The following IRX2 variants were observed in gnomAD, a reference collection of about 807,000 sequenced individuals.
IRX2 encodes the protein iroquois homeobox 2, also known as iroquois-class homeodomain protein IRX-2.
In IRX2, 26 loss-of-function variants were observed where a neutral mutation model predicts 42.9. The ratio of observed to expected loss-of-function variants is 0.61; its 90% CI spans 0.44 to 0.84. IRX2 has a LOEUF of 0.84. Among genes scored for constraint, IRX2 ranks in the 40% least tolerant of loss-of-function variants. The pLI, the probability that IRX2 is intolerant of heterozygous loss-of-function variation, is 0.00. For synonymous variants in IRX2, 424 were observed against 353.9 expected (o/e 1.20, Z -2.22); for missense variants, 782 against 713.9 (o/e 1.10, Z -1.09).
At chr5:2,747,841 A>G (rs1737731426) in intron 3 of IRX2, among the ~76,000 whole-genome samples, 1 of 152,252 alleles carries the variant, frequency 6.6e-6, no homozygotes, top group South Asian at 2.1e-4. Flanking sequence ...CACAGGCAAC[A>G]TAGCACAGGG....
In IRX2 at chr5:2,748,868, G is replaced by C. The variant is rs1253968536; in HGVS notation, c.840C>G (p.Pro280=). The C allele has an allele frequency of 2.5e-6, 4 of 1,592,946 alleles. No homozygotes were observed. The highest frequency in any genetic ancestry group is 2.5e-6 in the Non-Finnish European group (3 of 1,178,038). The change falls in exon 3 of 4, where the codon CCC becomes CCG. Residue 280 remains proline (P), a synonymous_variant. Transcript: ENST00000302057. ...DEEGERGLAP[P]KPVTSSPLTG... is the part of the protein sequence containing the mutation. Reference sequence around the variant, plus strand: ...TAAGCGGCGACGAGGTCACGGGCTTGGGCGGCGCCAGGCCCCGCTCGCCCT... The same window carrying C: ...TAAGCGGCGACGAGGTCACGGGCTTCGGCGGCGCCAGGCCCCGCTCGCCCT...
the IRX2 span, among the ~76,000 whole-genome samples, chr5:2,738,616 C>A: frequency 9.9e-5 from 15 of 152,210 alleles, no homozygotes; most frequent in Admixed American, 2.6e-4. Context: ...GTACAGTGAC[C>A]CCGAGTCCAA....
In IRX2 at chr5:2,751,563, C is replaced by T. The variant is rs916290942; in HGVS notation, c.-150G>A. On this transcript the variant is annotated 5_prime_UTR_variant, in exon 1 of 4. Transcript: ENST00000302057. This position sits in a 1 kb window ranked among gnomAD's most constrained non-coding sequence, Gnocchi z 4.0. The stretch of plus-strand genomic sequence containing the variant: ...CGGCCCGGGTACTAGCCTGGGCGGC[C>T]CGCGGGCCGGGGCGGCGGCGGGGTG... The T allele has an allele frequency of 1.6e-3, 524 of 331,544 alleles. 2 individuals are homozygous for T. The highest frequency in any genetic ancestry group is 0.011 in the African/African-American group (477 of 42,872). 20.5% of individuals were successfully genotyped at this position (331,544 alleles called of 1,614,324 possible).
the IRX2 span, chr5:2,737,243 T>C: frequency 2.0e-5 from 3 of 152,144 alleles, no homozygotes; most frequent in Non-Finnish European, 2.9e-5. Context: ...TACAGAAAAA[T>C]ACCTGCATTA....
downstream of IRX2, among the ~76,000 whole-genome samples, chr5:2,742,502 G>A (rs1334565992): frequency 6.6e-6 from 1 of 152,132 alleles, no homozygotes; most frequent in East Asian, 1.9e-4. Flanking sequence ...TATCCACATA[G>A]CACAGACGGT....
At position 2,748,872 on chromosome 5, in the gene IRX2, G is replaced by A. The variant is rs375451332; in HGVS notation, c.836C>T (p.Pro279Leu). ...CGGCGACGAGGTCACGGGCTTGGGC[G>A]GCGCCAGGCCCCGCTCGCCCTCCTC... ...DDEEGERGLA[P>L]PKPVTSSPLT... Residue 279 changes from proline (P) to leucine (L), a missense_variant, in exon 3 of 4, where the codon CCG becomes CTG. Around this residue, in one of 3 missense-constraint regions of IRX2, gnomAD observed 520 missense variants for 437.8 expected, o/e 1.19. Coordinates refer to ENST00000302057, the MANE Select transcript of IRX2 (RefSeq NM_033267.5). 289 of 1,593,036 alleles carry A rather than the reference G, an allele frequency of 1.8e-4. 1 individual carries two copies. In the Middle Eastern group the frequency reaches 2.0e-3, roughly 11 times the overall value.
chr5:2,748,657 GCCC>G lies in IRX2; in HGVS notation c.1048_1050del (p.Gly350del). The G allele has an allele frequency of 7.2e-7, 1 of 1,380,164 alleles. No individual in the cohort carries two copies. Among genetic ancestry groups the G allele is most frequent in the Non-Finnish European group, 9.3e-7 (1 of 1,069,922 alleles). 85.5% of individuals were successfully genotyped at this position (1,380,164 alleles called of 1,614,324 possible). A position where few individuals can be genotyped will look rare whatever the true frequency, so the allele number is the denominator to read the frequency against. ...GCGGCGGCCGCGGGCAGCCCCGGTG[GCCC>G]GCAGCCCGGGCCCAGGCTCGGCTGC... On this transcript the variant is annotated inframe_deletion, in exon 3 of 4. Coordinates refer to ENST00000302057, the MANE Select transcript of IRX2 (RefSeq NM_033267.5).
At chr5:2,736,238 T>G in the IRX2 span, among the ~76,000 whole-genome samples, 1 of 152,198 alleles carries the variant, frequency 6.6e-6, no homozygotes, top group Non-Finnish European at 1.5e-5. Flanking sequence ...CCTGCAGCCT[T>G]GCCCTCCACT....
chr5:2,747,336 C>G lies in IRX2; in HGVS notation c.*228G>C. On this transcript the variant is annotated 3_prime_UTR_variant, in exon 4 of 4. Coordinates refer to ENST00000302057, the MANE Select transcript of IRX2 (RefSeq NM_033267.5). Reference sequence around the variant, plus strand: ...ATATATATATTTTTTTTTTCCTTCCCTAGGTAAAGGAGTGATAGAACTTGT... The same window carrying G: ...ATATATATATTTTTTTTTTCCTTCCGTAGGTAAAGGAGTGATAGAACTTGT... 3 of 406,720 alleles carry G rather than the reference C, an allele frequency of 7.4e-6. No individual in the cohort carries two copies. The South Asian group carries it at 1.5e-4, about 20-fold the overall frequency. The allele number at this position is 406,720 out of a possible 1,614,324, so 25.2% of individuals were successfully genotyped here.
chr5:2,751,033 C>G lies in IRX2; in HGVS notation c.249+132G>C. 9.4e-7 allele frequency: 1 copy of G among 1,058,376 alleles called. No individual in the cohort carries two copies. The highest frequency in any genetic ancestry group is 1.2e-6 in the Non-Finnish European group (1 of 848,002). The allele number at this position is 1,058,376 out of a possible 1,614,324, so 65.6% of individuals were successfully genotyped here. On this transcript the variant is annotated intron_variant, in intron 1 of 3. Coordinates refer to ENST00000302057, the MANE Select transcript of IRX2 (RefSeq NM_033267.5). The surrounding 1 kb of genome is among the most constrained non-coding windows in gnomAD (Gnocchi z 4.0). Reference sequence around the variant, plus strand: ...CAGCCTGCGGGGCGGCCAACCGAGCCGGCGACTCCTGAGTCGCCAGCCGCG... The same window carrying G: ...CAGCCTGCGGGGCGGCCAACCGAGCGGGCGACTCCTGAGTCGCCAGCCGCG...
chr5:2,743,762 TTTCTCTCTCC>T (rs1560946340), downstream of IRX2, among the ~76,000 whole-genome samples: 1 of 152,046 alleles, frequency 6.6e-6, no homozygotes, highest in African/African-American at 2.4e-5. Context: ...TATCTCTCTC[TTTCTCTCTCC>T]TTCCTTCCTC....
rs1737948038 is a variant in IRX2 at position 2,751,126 on chromosome 5, G to C, written c.249+39C>G. The C allele has an allele frequency of 4.9e-6, 6 of 1,214,240 alleles. No homozygotes were observed. Among genetic ancestry groups the C allele is most frequent in the Non-Finnish European group, 1.0e-6 (1 of 976,130 alleles). 75.2% of individuals were successfully genotyped at this position (1,214,240 alleles called of 1,614,324 possible). A position where few individuals can be genotyped will look rare whatever the true frequency, so the allele number is the denominator to read the frequency against. ...TCCGCCTGAGCCCCGTCTGGGTCCC[G>C]GCGCCCAGGAGTCCCGCGTCCCGCC... On this transcript the variant is annotated intron_variant, in intron 1 of 3. Coordinates refer to ENST00000302057, the MANE Select transcript of IRX2 (RefSeq NM_033267.5). The surrounding 1 kb of genome is among the most constrained non-coding windows in gnomAD (Gnocchi z 4.0).
the IRX2 span, among the ~76,000 whole-genome samples, chr5:2,738,086 G>A: frequency 6.6e-6 from 1 of 152,242 alleles, no homozygotes; most frequent in Non-Finnish European, 1.5e-5. Context: ...AGATCATAAA[G>A]TCAGTAAATT....
At chr5:2,749,846 G>A in intron 1 of IRX2, 59 bp from the exon 2 acceptor site, 1 of 1,510,140 alleles carries the variant, frequency 6.6e-7, no homozygotes, top group South Asian at 1.3e-5. Context: ...CAACCAGCCA[G>A]AGGATGCCAC....
chr5:2,743,526 G>GC (rs770362036), downstream of IRX2, among the ~76,000 whole-genome samples: 1,960 of 152,220 alleles, frequency 0.013, 16 homozygotes, highest in Non-Finnish European at 0.017. Flanking sequence ...CCACGCGGGC[G>GC]CCGGGCCGCG....
At position 2,750,469 on chromosome 5, in the gene IRX2, T is replaced by C. The variant is rs994497019; in HGVS notation, c.250-682A>G. On this transcript the variant is annotated intron_variant, in intron 1 of 3. Coordinates refer to ENST00000302057, the MANE Select transcript of IRX2 (RefSeq NM_033267.5). ...AACGTGCTTCGCCGCGGCCCGGGCC[T>C]GGCCCAGCTCAGTAACCTCGAGACT... Among the ~76,000 whole-genome samples, 10 of 152,322 alleles carry C rather than the reference T, an allele frequency of 6.6e-5. No individual in the cohort carries two copies. The South Asian group carries it at 1.7e-3, about 25-fold the overall frequency.
At chr5:2,739,226 C>G in the IRX2 span, among the ~76,000 whole-genome samples, 1 of 152,244 alleles carries the variant, frequency 6.6e-6, no homozygotes, top group Non-Finnish European at 1.5e-5. Context: ...CAACCCACCC[C>G]GAGCCCGCCG....
chr5:2,737,970 G>A, the IRX2 span, among the ~76,000 whole-genome samples: 32 of 152,324 alleles, frequency 2.1e-4, no homozygotes, highest in Admixed American at 8.5e-4. Context: ...CAGCCCACCT[G>A]TCCTGCCTGC....
downstream of IRX2, among the ~76,000 whole-genome samples, chr5:2,744,094 GT>G (rs974283215): frequency 1.3e-5 from 2 of 151,002 alleles, no homozygotes; most frequent in Admixed American, 6.6e-5. Flanking sequence ...GTGTGTGTGT[GT>G]GTGTGTGTGT....
Sources: gnomAD v4.1 joint callset for allele counts (sites outside exome capture counted in the v4.1 genomes callset) on GRCh38, gnomAD v4.1.1 for gene constraint, gnomAD v4.1.1 regional missense constraint, Gnocchi (gnomAD v3.1) non-coding constraint, MANE v1.5 for transcripts, NCBI Gene and HGNC (gene_info 2026-07-23, HGNC 2026-07-21) for gene names.